HELZ: variants seen among roughly 807,000 people sequenced by gnomAD.
HELZ encodes helicase with zinc finger.
A neutral mutation model predicts 218.2 loss-of-function variants in HELZ; 23 were observed. The ratio of observed to expected loss-of-function variants is 0.11; its 90% CI spans 0.08 to 0.15. HELZ has a LOEUF of 0.15. Ranked by LOEUF, HELZ falls within the 10% of genes least tolerant of loss-of-function variation. The probability of loss-of-function intolerance (pLI) is 1.00; values close to 1 mark genes in which losing one functional copy is unlikely to be tolerated. For missense variants in HELZ, 1,813 were observed against 2,353.7 expected, an observed-to-expected ratio of 0.77 and a Z score of 4.75; for synonymous variants, 814 against 829.4, an observed-to-expected ratio of 0.98 and a Z score of 0.32.
intron 28 of HELZ, among the ~76,000 whole-genome samples, chr17:67,111,377 A>G (rs1459657322): frequency 2.0e-5 from 3 of 152,210 alleles, no homozygotes; most frequent in Non-Finnish European, 4.4e-5. Context: ...AAAACACTCC[A>G]TGCATTACTT....
intron 13 of HELZ, among the ~76,000 whole-genome samples, chr17:67,171,122 A>G (rs938027341): frequency 2.0e-5 from 3 of 150,558 alleles, no homozygotes; most frequent in African/African-American, 7.3e-5. Flanking sequence ...ATACTCTCCT[A>G]GTTTTCTTCC....
intron 3 of HELZ, among the ~76,000 whole-genome samples, chr17:67,222,121 G>A (rs1036895470): frequency 2.0e-5 from 3 of 152,072 alleles, no homozygotes; most frequent in African/African-American, 7.2e-5. Flanking sequence ...GATTACAGGC[G>A]TGAGCCACTG....
intron 4 of HELZ, among the ~76,000 whole-genome samples, chr17:67,217,926 TGTTG>T (rs2040645360): frequency 6.7e-6 from 1 of 148,170 alleles, no homozygotes; most frequent in African/African-American, 2.6e-5. Flanking sequence ...TTTTGTTTTT[TGTTG>T]TTTTTTTTTT....
chr17:67,235,746 ACT>A (rs2041162159), intron 3 of HELZ, among the ~76,000 whole-genome samples: 2 of 101,184 alleles, frequency 2.0e-5, no homozygotes, highest in African/African-American at 4.0e-5. Flanking sequence ...TTGACCACAC[ACT>A]CTTTTTTTTT....
intron 1 of HELZ, chr17:67,244,510 T>G (rs1286635292): frequency 1.3e-6 from 1 of 763,596 alleles, no homozygotes; most frequent in East Asian, 1.3e-4. Context: ...TCAAGGAATC[T>G]CCAGGAAAAG....
At chr17:67,231,106 T>C (rs1162656101) in intron 3 of HELZ, among the ~76,000 whole-genome samples, 1 of 152,138 alleles carries the variant, frequency 6.6e-6, no homozygotes, top group African/African-American at 2.4e-5. Flanking sequence ...ACCATTCTAT[T>C]AAATATCCAA....
chr17:67,139,438 C>T (rs937404019), intron 21 of HELZ, among the ~76,000 whole-genome samples: 8 of 152,148 alleles, frequency 5.3e-5, no homozygotes, highest in African/African-American at 1.9e-4. Flanking sequence ...GACACCTCTG[C>T]TGCGCCCTCC....
rs1470013309 is a variant in HELZ at position 67,120,273 on chromosome 17, G to A, written c.3838+132C>T. Reference sequence around the variant, plus strand: ...CCCGCCTCGGCCTCCCAAAGTGCTGGTAGATTCTCTCTCAAAGAGGTCTAT... The same window carrying A: ...CCCGCCTCGGCCTCCCAAAGTGCTGATAGATTCTCTCTCAAAGAGGTCTAT... On this transcript the variant is annotated intron_variant, in intron 27 of 32. Coordinates refer to ENST00000358691, the MANE Select transcript of HELZ (RefSeq NM_014877.4). The A allele has an allele frequency of 5.4e-6, 4 of 740,392 alleles. No individual in the cohort carries two copies. The East Asian group carries it at 8.1e-5, about 15-fold the overall frequency. The allele number at this position is 740,392 out of a possible 1,614,324, so 45.9% of individuals were successfully genotyped here.
At chr17:67,132,795 C>T (rs1436007707) in intron 23 of HELZ, among the ~76,000 whole-genome samples, 2 of 152,136 alleles carry the variant, frequency 1.3e-5, no homozygotes, top group Non-Finnish European at 2.9e-5. Flanking sequence ...GAATATGTAA[C>T]TGATTGACTT....
intron 27 of HELZ, among the ~76,000 whole-genome samples, chr17:67,119,098 T>C (rs1016360751): frequency 9.9e-5 from 15 of 152,174 alleles, no homozygotes; most frequent in Non-Finnish European, 2.2e-4. Context: ...TGAAAAATAA[T>C]ATGGCAGTTT....
At chr17:67,179,507 T>C (rs1567868080) in intron 12 of HELZ, 1 of 152,232 alleles carries the variant, frequency 6.6e-6, no homozygotes, top group Admixed American at 6.5e-5. Context: ...TCAAATGTCA[T>C]TTCCAAAAAA....
Position 67,141,026 on chromosome 17 carries a change from T to C in HELZ, c.2770-2912A>G, listed in dbSNP as rs2038305300. On this transcript the variant is annotated intron_variant, in intron 21 of 32. Transcript: ENST00000358691. ...AATAAAGACATGCCCAGATGAAACA[T>C]AACCTAAGAGAATTCCTCACTTGCA... is the stretch of plus-strand genomic sequence containing the variant. Among the ~76,000 whole-genome samples the C allele has an allele frequency of 2.6e-5, 4 of 152,172 alleles. 1 individual carries two copies. In the South Asian group the frequency reaches 8.3e-4, roughly 32 times the overall value.
In HELZ at chr17:67,072,823, T is replaced by C. The variant is rs966105390; in HGVS notation, c.*5429A>G. The C allele has an allele frequency of 6.6e-6, 1 of 152,250 alleles. No individual in the cohort carries two copies. Among genetic ancestry groups the C allele is most frequent in the African/African-American group, 2.4e-5 (1 of 41,470 alleles). The allele number at this position is 152,250 out of a possible 1,614,324, so 9.4% of individuals were successfully genotyped here. ...CATGGTTGAAAAGACGTTCAGACTC[T>C]GAAGGTCTCTGAGACTTTCAAACTG... On this transcript the variant is annotated 3_prime_UTR_variant, in exon 33 of 33. Transcript: ENST00000358691.
chr17:67,135,945 T>C (rs774292654), intron 23 of HELZ, 25 bp downstream of exon 23: 4 of 1,546,586 alleles, frequency 2.6e-6, no homozygotes, highest in East Asian at 2.3e-5. Flanking sequence ...TCCCCTTTAA[T>C]GTCTCAACAT....
chr17:67,199,280 T>C lies in HELZ; in HGVS notation c.429+1849A>G, dbSNP rs544005123. ...CAGGCTGGAATACAGTGGTGCAATC[T>C]CAGCTCACTGCAACTTCCGCCTCCT... On this transcript the variant is annotated intron_variant, in intron 7 of 32. Transcript: ENST00000358691. Among the ~76,000 whole-genome samples, 3 of 148,748 alleles carry C rather than the reference T, an allele frequency of 2.0e-5. No homozygotes were observed. The East Asian group carries it at 6.2e-4, about 31-fold the overall frequency.
chr17:67,226,857 T>C (rs1360196008), intron 3 of HELZ, among the ~76,000 whole-genome samples: 7 of 152,172 alleles, frequency 4.6e-5, no homozygotes. Context: ...CTCAAAAACA[T>C]TATGCCACAT....
intron 5 of HELZ, among the ~76,000 whole-genome samples, chr17:67,208,882 G>C (rs1013971225): frequency 6.6e-6 from 1 of 151,368 alleles, no homozygotes; most frequent in African/African-American, 2.4e-5. Context: ...TCAAAGCTGA[G>C]GTGAGCTGTG....
intron 25 of HELZ, among the ~76,000 whole-genome samples, chr17:67,123,422 T>C (rs974434418): frequency 3.3e-5 from 5 of 152,164 alleles, no homozygotes; most frequent in African/African-American, 7.2e-5. Context: ...GAACTCAGGA[T>C]GTGTCTTTCA....
At chr17:67,086,778 A>G in intron 32 of HELZ, 51 bp downstream of exon 32, 1 of 1,588,968 alleles carries the variant, frequency 6.3e-7, no homozygotes, top group South Asian at 1.1e-5. Flanking sequence ...CTCCACAGAT[A>G]TCCGGGAGCT....
Sources: allele counts gnomAD v4.1 joint callset (sites outside exome capture counted in the v4.1 genomes callset), GRCh38; gene constraint gnomAD v4.1.1; transcripts MANE v1.5; gene names NCBI Gene and HGNC (gene_info 2026-07-23, HGNC 2026-07-21).